ULK4: variants seen among roughly 807,000 people sequenced by gnomAD.
ULK4 encodes the protein inactive serine/threonine-protein kinase ULK4.
In ULK4, 133 loss-of-function variants were observed where a neutral mutation model predicts 160.6. The observed-to-expected ratio is 0.83, with a 90% CI of 0.72 to 0.96. The LOEUF (loss-of-function observed/expected upper bound fraction) is 0.96, where lower values mean the gene tolerates loss of function less well. ULK4 is among the 40% of genes least tolerant of loss of function. ULK4 has a pLI of 0.00. For synonymous variants in ULK4, 534 were observed against 539.8 expected (o/e 0.99, Z 0.15); for missense variants, 1,580 against 1,499.5 (o/e 1.05, Z -0.89).
intron 35 of ULK4, among the ~76,000 whole-genome samples, chr3:41,350,977 A>G (rs1001823764): frequency 9.2e-5 from 14 of 152,216 alleles, no homozygotes; most frequent in Admixed American, 8.5e-4. Flanking sequence ...TTGTAATAAA[A>G]GATTTCTCTC....
chr3:41,789,981 G>A (rs1338212253), intron 20 of ULK4, 138 bp from the exon 21 acceptor site: 3 of 752,070 alleles, frequency 4.0e-6, no homozygotes, highest in African/African-American at 3.6e-5. Flanking sequence ...GCACAAGAAA[G>A]TTGGCAATTT....
intron 32 of ULK4, among the ~76,000 whole-genome samples, chr3:41,548,146 T>G (rs1012152352): frequency 6.6e-6 from 1 of 152,086 alleles, no homozygotes; most frequent in Non-Finnish European, 1.5e-5. Flanking sequence ...GGGGAATGCC[T>G]TGCTCCACCC....
chr3:41,646,931 A>T (rs1188206489), intron 30 of ULK4, among the ~76,000 whole-genome samples: 4 of 151,948 alleles, frequency 2.6e-5, no homozygotes, highest in African/African-American at 9.7e-5. Context: ...TTCTCGCTTC[A>T]TTTCATTCAT....
At chr3:41,461,911 C>A (rs930627751) in intron 33 of ULK4, among the ~76,000 whole-genome samples, 1 of 152,036 alleles carries the variant, frequency 6.6e-6, no homozygotes, top group African/African-American at 2.4e-5. Flanking sequence ...AAGAAACTTA[C>A]TAGAATGGAG....
At position 41,898,170 on chromosome 3, in the gene ULK4, A is replaced by G. The variant is rs570226728; in HGVS notation, c.1348+262T>C. Among the ~76,000 whole-genome samples, 107 of 152,236 alleles carry G rather than the reference A, an allele frequency of 7.0e-4. 1 individual carries two copies. Among genetic ancestry groups the G allele is most frequent in the Non-Finnish European group, 2.1e-4 (14 of 68,024 alleles). ...GAGGAGAAGACCTCCCACCCACTCT[A>G]CAGGAAAACTTGCCCAGATCTACAG... is the stretch of plus-strand genomic sequence containing the variant. On this transcript the variant is annotated intron_variant, in intron 14 of 36. Coordinates refer to ENST00000301831, the MANE Select transcript of ULK4 (RefSeq NM_017886.4).
chr3:41,907,874 AAC>A lies in ULK4; in HGVS notation c.1151_1152del (p.Cys384PhefsTer53). ...EVSPGEDMTH[C>X]SPQKTSPLTK... ...GTCAGAGGAGAAGTCTTCTGTGGTG[AAC>A]AGTGAGTCATATCCTCACCAGGACT... On this transcript the variant is annotated frameshift_variant, in exon 12 of 37. Coordinates refer to ENST00000301831, the MANE Select transcript of ULK4 (RefSeq NM_017886.4). LOFTEE classifies it high-confidence loss of function. The A allele has an allele frequency of 6.2e-7, 1 of 1,601,204 alleles. No homozygotes were observed. The highest frequency in any genetic ancestry group is 8.5e-7 in the Non-Finnish European group (1 of 1,174,584).
Position 41,907,936 on chromosome 3 carries a change from C to G in ULK4, c.1091G>C (p.Arg364Pro), listed in dbSNP as rs756225801. 1 of 1,598,984 alleles carries G rather than the reference C, an allele frequency of 6.3e-7. No individual in the cohort carries two copies. The highest frequency in any genetic ancestry group is 1.7e-5 in the Admixed American group (1 of 57,188). ...LNESMFLLSS[R>P]PTPRTSTAVE... Reference sequence around the variant, plus strand: ...TGCAGTGCTAGTTCTGGGAGTAGGACGAGAACTGAAAAATACAAACCAGTT... The same window carrying G: ...TGCAGTGCTAGTTCTGGGAGTAGGAGGAGAACTGAAAAATACAAACCAGTT... Residue 364 changes from arginine (R) to proline (P), a missense_variant, in exon 12 of 37, where the codon CGT becomes CCT. Transcript: ENST00000301831.
chr3:41,263,688 C>T (rs550740791), intron 35 of ULK4, among the ~76,000 whole-genome samples: 1 of 152,262 alleles, frequency 6.6e-6, no homozygotes, highest in African/African-American at 2.4e-5. Context: ...CCTCCAGTGT[C>T]GTAAGAAAGT....
chr3:41,320,677 G>A (rs1486486040), intron 35 of ULK4, among the ~76,000 whole-genome samples: 1 of 111,638 alleles, frequency 9.0e-6, no homozygotes, highest in Non-Finnish European at 1.9e-5. Flanking sequence ...AGCACTTTGA[G>A]AGGCTGAGGC....
chr3:41,735,824 A>G lies in ULK4; in HGVS notation c.2322-17963T>C, dbSNP rs578009202. Among the ~76,000 whole-genome samples, 52 of 140,584 alleles carry G rather than the reference A, an allele frequency of 3.7e-4. 2 individuals are homozygous for G. In the South Asian group the frequency reaches 0.011, roughly 29 times the overall value. The allele number at this position is 140,584 out of a possible 152,430, so 92.2% of individuals were successfully genotyped here. ...TAACTGGTCATTAGGTATATCCCCT[A>G]ATGCTATCCCTCCCCCCTCCCCCCA... On this transcript the variant is annotated intron_variant, in intron 22 of 36. Coordinates refer to ENST00000301831, the MANE Select transcript of ULK4 (RefSeq NM_017886.4).
chr3:41,927,770 T>C (rs1699436817), intron 5 of ULK4, among the ~76,000 whole-genome samples: 2 of 150,910 alleles, frequency 1.3e-5, no homozygotes, highest in Non-Finnish European at 2.9e-5. Flanking sequence ...GGCCATTACA[T>C]AATGGTAAAG....
chr3:41,351,236 T>G (rs888497823), intron 35 of ULK4, among the ~76,000 whole-genome samples: 18 of 152,184 alleles, frequency 1.2e-4, no homozygotes, highest in Non-Finnish European at 2.4e-4. Flanking sequence ...GCCTTGGTTC[T>G]CCTCAAAGGT....
chr3:41,538,165 G>A (rs906667279), intron 32 of ULK4, among the ~76,000 whole-genome samples: 3 of 151,858 alleles, frequency 2.0e-5, no homozygotes, highest in African/African-American at 7.3e-5. Flanking sequence ...TCTTTCTTTT[G>A]CTTTAATCAG....
intron 17 of ULK4, chr3:41,859,690 CTCTT>C: frequency 1.0e-5 from 4 of 382,266 alleles, no homozygotes; most frequent in South Asian, 8.1e-5. Flanking sequence ...CAGAGTCTCA[CTCTT>C]TCACCCAGGC....
chr3:41,413,032 G>A (rs1479654595), intron 34 of ULK4, among the ~76,000 whole-genome samples: 2 of 152,154 alleles, frequency 1.3e-5, no homozygotes, highest in Non-Finnish European at 2.9e-5. Context: ...AGGAAAAAGA[G>A]GCTTAATGGA....
chr3:41,431,355 A>AAAC (rs1553664679), intron 34 of ULK4, among the ~76,000 whole-genome samples: 2 of 139,124 alleles, frequency 1.4e-5, no homozygotes, highest in African/African-American at 5.3e-5. Flanking sequence ...ACACACACAC[A>AAAC]AATAATAATA....
intron 33 of ULK4, among the ~76,000 whole-genome samples, chr3:41,455,948 C>T (rs1262963622): frequency 6.6e-6 from 1 of 152,126 alleles, no homozygotes; most frequent in Non-Finnish European, 1.5e-5. Context: ...CTCCCTCTGT[C>T]ACCCAGGCTG....
intron 31 of ULK4, among the ~76,000 whole-genome samples, chr3:41,585,588 G>T (rs1376603643): frequency 6.6e-6 from 1 of 152,100 alleles, no homozygotes; most frequent in African/African-American, 2.4e-5. Context: ...ATAGAGGAAA[G>T]CTTTGGGACA....
chr3:41,398,154 T>C lies in ULK4; in HGVS notation c.3603A>G (p.Glu1201=). The C allele has an allele frequency of 6.2e-7, 1 of 1,613,486 alleles. No homozygotes were observed. Among genetic ancestry groups the C allele is most frequent in the East Asian group, 2.2e-5 (1 of 44,844 alleles). The change falls in exon 35 of 37, where the codon GAA becomes GAG. Residue 1201 remains glutamate, a synonymous_variant. Transcript: ENST00000301831. ...NPDSLSPENV[E]IFAHLLTSKE... The stretch of plus-strand genomic sequence containing the variant: ...TGGATGTCAGTAAATGAGCAAAAAT[T>C]TCCACATTTTCAGGAGAGAGGCTGT...
Sources: allele counts gnomAD v4.1 joint callset (sites outside exome capture counted in the v4.1 genomes callset), GRCh38; gene constraint gnomAD v4.1.1; transcripts MANE v1.5; gene names NCBI Gene and HGNC (gene_info 2026-07-23, HGNC 2026-07-21).